The following TBC1D14 variants were observed in gnomAD, a reference collection of about 807,000 sequenced individuals.
TBC1D14 encodes the protein TBC1 domain family, member 14.
TBC1D14 carries 26 observed loss-of-function variants against 79.0 expected under a neutral mutation model. The ratio of observed to expected loss-of-function variants is 0.33; its 90% CI spans 0.24 to 0.46. The LOEUF (loss-of-function observed/expected upper bound fraction) is 0.46. TBC1D14 is among the 20% of genes least tolerant of loss of function. The probability of loss-of-function intolerance (pLI) is 1.00; values close to 1 mark genes in which losing one functional copy is unlikely to be tolerated. For missense variants in TBC1D14, 769 were observed against 887.6 expected, an observed-to-expected ratio of 0.87 and a Z score of 1.70; for synonymous variants, 394 against 349.9, an observed-to-expected ratio of 1.13 and a Z score of -1.40.
intron 13 of TBC1D14, among the ~76,000 whole-genome samples, chr4:7,025,508 T>G (rs562535425): frequency 6.6e-6 from 1 of 152,244 alleles, no homozygotes; most frequent in African/African-American, 2.4e-5. Flanking sequence ...TCCTCTGCAG[T>G]GGCATTGGGA....
chr4:6,952,172 G>A (rs1363129092), intron 2 of TBC1D14, among the ~76,000 whole-genome samples: 1 of 152,200 alleles, frequency 6.6e-6, no homozygotes, highest in Non-Finnish European at 1.5e-5. Context: ...CGGCCGTTCA[G>A]AACAGTGGTT....
At chr4:6,994,078 C>T (rs1200968667) in intron 3 of TBC1D14, 106 bp from the exon 4 acceptor site, 6 of 994,448 alleles carry the variant, frequency 6.0e-6, no homozygotes, top group East Asian at 4.8e-5. Flanking sequence ...GAATTGTCCT[C>T]GAAATTGGCT....
At chr4:7,003,310 G>T (rs7693321) in intron 7 of TBC1D14, among the ~76,000 whole-genome samples, 37,521 of 152,054 alleles carry the variant, frequency 0.25, 5,201 homozygotes, top group African/African-American at 0.37. Context: ...AGTTGGGAAG[G>T]GATTCCCTAG....
At chr4:6,996,504 A>G in intron 5 of TBC1D14, 97 bp downstream of exon 5, 3 of 930,336 alleles carry the variant, frequency 3.2e-6, no homozygotes. Flanking sequence ...TAGAACCTGA[A>G]CTTCAGTCTT....
At chr4:6,995,445 T>G (rs1718921133) in intron 4 of TBC1D14, 1 of 152,196 alleles carries the variant, frequency 6.6e-6, no homozygotes, top group African/African-American at 2.4e-5. Context: ...AAAGATTAAG[T>G]GTTTATCACT....
rs1259721173 is a variant in TBC1D14 at position 7,004,662 on chromosome 4, C to CT, written c.1271-179dup. Among the ~76,000 whole-genome samples, 13 of 152,288 alleles carry CT rather than the reference C, an allele frequency of 8.5e-5. No homozygotes were observed. The Middle Eastern group carries it at 0.01, about 120-fold the overall frequency. ...AATCTTTCTTTGTTTCAGGCTGTGT[C>CT]TTTAAACAATAAAATTACTTTCAGG... is the stretch of plus-strand genomic sequence containing the variant. On this transcript the variant is annotated intron_variant, in intron 7 of 13. Coordinates refer to ENST00000409757, the MANE Select transcript of TBC1D14 (RefSeq NM_020773.3).
chr4:6,920,770 G>A (rs147147942), intron 1 of TBC1D14, among the ~76,000 whole-genome samples: 100 of 152,124 alleles, frequency 6.6e-4, no homozygotes, highest in African/African-American at 2.4e-3. Flanking sequence ...AGATTTGAAT[G>A]CACCACCTGA....
intron 2 of TBC1D14, among the ~76,000 whole-genome samples, chr4:6,961,175 C>G (rs943740812): frequency 6.6e-6 from 1 of 151,002 alleles, no homozygotes; most frequent in Non-Finnish European, 1.5e-5. Context: ...GCCCTTTTCC[C>G]TGTGCAAAAG....
At position 6,924,971 on chromosome 4, in the gene TBC1D14, C is replaced by T. The variant is rs200418414; in HGVS notation, c.722+860C>T. On this transcript the variant is annotated intron_variant, in intron 2 of 13. Coordinates refer to ENST00000409757, the MANE Select transcript of TBC1D14 (RefSeq NM_020773.3). The stretch of plus-strand genomic sequence containing the variant: ...AACGGTGGCGTGCTGGGAGGAAGGG[C>T]ACAGGGGCTGTGGAGAGTACGTGTA... Among the ~76,000 whole-genome samples the T allele has an allele frequency of 1.4e-4, 21 of 152,172 alleles. No individual in the cohort carries two copies. In the East Asian group the frequency reaches 4.1e-3, roughly 29 times the overall value.
chr4:6,939,156 C>T (rs193117723), intron 2 of TBC1D14, among the ~76,000 whole-genome samples: 100 of 152,312 alleles, frequency 6.6e-4, no homozygotes, highest in African/African-American at 2.2e-3. Flanking sequence ...AGCTTTCCCA[C>T]GTGTGAAATG....
chr4:6,915,577 T>G (rs775410799), intron 1 of TBC1D14, among the ~76,000 whole-genome samples: 26 of 152,122 alleles, frequency 1.7e-4, no homozygotes. Flanking sequence ...TGCCTCGGTT[T>G]CCTCCTCTGG....
intron 3 of TBC1D14, among the ~76,000 whole-genome samples, chr4:6,993,354 CCA>C (rs1296968949): frequency 6.6e-6 from 1 of 152,194 alleles, no homozygotes; most frequent in Admixed American, 6.5e-5. Context: ...CTGAGTTCTT[CCA>C]GCTGGGCGTT....
intron 13 of TBC1D14, among the ~76,000 whole-genome samples, chr4:7,028,431 T>G (rs1191716506): frequency 6.6e-6 from 1 of 151,232 alleles, no homozygotes; most frequent in Non-Finnish European, 1.5e-5. Flanking sequence ...AGTTTTTTGT[T>G]TGTTTTTTTT....
rs1274836742 is a variant in TBC1D14, at chr4:6,949,007, T to C, written c.723-18297T>C. ...GGCCAACATGGTGAAACCCTGTCTC[T>C]AGTAAAAATACAAAAAATTAGCCAG... On this transcript the variant is annotated intron_variant, in intron 2 of 13. Coordinates refer to ENST00000409757, the MANE Select transcript of TBC1D14 (RefSeq NM_020773.3). 1.3e-5 allele frequency among the ~76,000 whole-genome samples: 2 copies of C among 150,758 alleles called. 1 individual carries two copies. Among genetic ancestry groups the C allele is most frequent in the Non-Finnish European group, 3.0e-5 (2 of 67,760 alleles).
chr4:6,919,449 A>G (rs1723661850), intron 1 of TBC1D14, among the ~76,000 whole-genome samples: 1 of 151,326 alleles, frequency 6.6e-6, no homozygotes, highest in African/African-American at 2.4e-5. Context: ...CTGGCCTATA[A>G]TTTCACTTTT....
At chr4:6,911,352 T>C (rs775131521) in intron 1 of TBC1D14, among the ~76,000 whole-genome samples, 2 of 152,226 alleles carry the variant, frequency 1.3e-5, no homozygotes, top group Non-Finnish European at 2.9e-5. Flanking sequence ...ACAGAGTAAC[T>C]GGCTGGGAGC....
rs114200999 is a variant in TBC1D14, at chr4:6,971,904, A to G, written c.843+4480A>G. On this transcript the variant is annotated intron_variant, in intron 3 of 13. Coordinates refer to ENST00000409757, the MANE Select transcript of TBC1D14 (RefSeq NM_020773.3). ...CACAGCAGGTTAAATAAAGGGCCCA[A>G]AGCCCACCGGCCAGGCAAATTTCAG... Among the ~76,000 whole-genome samples, 609 of 152,344 alleles carry G rather than the reference A, an allele frequency of 4.0e-3. 8 individuals are homozygous for G. Among genetic ancestry groups the G allele is most frequent in the African/African-American group, 0.014 (589 of 41,582 alleles).
In TBC1D14 at chr4:7,027,513, CCA is replaced by C. The variant is rs775219358; in HGVS notation, c.2016+2252_2016+2253del. Among the ~76,000 whole-genome samples the C allele has an allele frequency of 4.9e-4, 72 of 146,316 alleles. No individual in the cohort carries two copies. In the Middle Eastern group the frequency reaches 0.011, roughly 22 times the overall value. On this transcript the variant is annotated intron_variant, in intron 13 of 13. Coordinates refer to ENST00000409757, the MANE Select transcript of TBC1D14 (RefSeq NM_020773.3). Reference sequence around the variant, plus strand: ...ACAGTCACACCCCTACACCTCACACCCAGTCACCCCACACACACATCACATAC... The same window carrying C: ...ACAGTCACACCCCTACACCTCACACCGTCACCCCACACACACATCACATAC...
At position 6,925,202 on chromosome 4, in the gene TBC1D14, G is replaced by GGC. The variant is rs1553853168; in HGVS notation, c.722+1092_722+1093insCG. On this transcript the variant is annotated intron_variant, in intron 2 of 13. Transcript: ENST00000409757. Reference sequence around the variant, plus strand: ...CAGCTACTTGGGAGGAGGAGGCAGAGGTTGCGGTGAGCCGAGATCGCGCCA... The same window carrying GGC: ...CAGCTACTTGGGAGGAGGAGGCAGAGGCGTTGCGGTGAGCCGAGATCGCGCCA... 3.9e-3 allele frequency among the ~76,000 whole-genome samples: 592 copies of GGC among 152,302 alleles called. 4 individuals carry two copies. Among genetic ancestry groups the GGC allele is most frequent in the African/African-American group, 0.013 (530 of 41,564 alleles).
Sources: gnomAD v4.1 joint callset for allele counts (sites outside exome capture counted in the v4.1 genomes callset) on GRCh38, gnomAD v4.1.1 for gene constraint, MANE v1.5 for transcripts, NCBI Gene and HGNC (gene_info 2026-07-23, HGNC 2026-07-21) for gene names.